MGLL: variants seen among roughly 807,000 people sequenced by gnomAD.
MGLL encodes the protein monoglyceride lipase, also known as lysophospholipase homolog.
MGLL carries 7 observed loss-of-function variants against 29.1 expected under a neutral mutation model. That is an observed-to-expected ratio of 0.24 (90% CI 0.14 to 0.45). MGLL has a LOEUF of 0.45. Ranked by LOEUF, MGLL falls within the 20% of genes least tolerant of loss-of-function variation. MGLL has a pLI of 0.99. For synonymous variants in MGLL, 148 were observed against 168.3 expected (o/e 0.88, Z 0.93); for missense variants, 356 against 413.6 (o/e 0.86, Z 1.21).
intron 2 of MGLL, among the ~76,000 whole-genome samples, chr3:127,793,751 G>A (rs564638289): frequency 2.0e-5 from 3 of 152,138 alleles, no homozygotes; most frequent in South Asian, 2.1e-4. Context: ...TAGTACAGAC[G>A]GGGTTTCACC....
At chr3:127,785,749 G>A (rs1388472740) in intron 2 of MGLL, among the ~76,000 whole-genome samples, 1 of 152,212 alleles carries the variant, frequency 6.6e-6, no homozygotes, top group East Asian at 1.9e-4. Flanking sequence ...AGCTTATTAC[G>A]TGCCAGGCCC....
At chr3:127,768,852 T>G (rs559193659) in intron 3 of MGLL, among the ~76,000 whole-genome samples, 2 of 152,226 alleles carry the variant, frequency 1.3e-5, no homozygotes, top group African/African-American at 4.8e-5. Flanking sequence ...AAGGGCTTGC[T>G]AAACACTGAC....
chr3:127,703,289 A>T (rs2075534827), intron 6 of MGLL, among the ~76,000 whole-genome samples: 2 of 152,248 alleles, frequency 1.3e-5, no homozygotes, highest in African/African-American at 4.8e-5. Flanking sequence ...TCACAGGCTC[A>T]GGGATTTGAG....
rs969785958 is a variant in MGLL at position 127,710,900 on chromosome 3, C to T, written c.511-235G>A. The T allele has an allele frequency of 5.9e-5, 32 of 541,106 alleles. No homozygotes were observed. The East Asian group carries it at 7.4e-4, about 12-fold the overall frequency. 33.5% of individuals were successfully genotyped at this position (541,106 alleles called of 1,614,324 possible). A position where few individuals can be genotyped will look rare whatever the true frequency, so the allele number is the denominator to read the frequency against. On this transcript the variant is annotated intron_variant, in intron 5 of 7. Transcript: ENST00000265052. ...GGGGGAGCTGGCCAGGCAGCCGCTG[C>T]GCCCAAGGTGGGAAGTCACGTCTGA...
intron 5 of MGLL, chr3:127,712,480 A>T (rs2075735509): frequency 2.6e-5 from 4 of 152,256 alleles, no homozygotes; most frequent in Admixed American, 2.6e-4. Context: ...CATGTGGTCA[A>T]CACTCCTTTT....
At chr3:127,713,023 T>G (rs889443011) in intron 5 of MGLL, 4 of 152,332 alleles carry the variant, frequency 2.6e-5, no homozygotes, top group African/African-American at 9.6e-5. Context: ...CACTAGACTC[T>G]GGCTGTGTAA....
At chr3:127,802,247 G>GT (rs1462105392) in intron 2 of MGLL, among the ~76,000 whole-genome samples, 1 of 152,144 alleles carries the variant, frequency 6.6e-6, no homozygotes, top group African/African-American at 2.4e-5. Context: ...AGGTTCAAGA[G>GT]TTTGGTCTTG....
At chr3:127,724,638 G>T (rs915381921) in intron 3 of MGLL, among the ~76,000 whole-genome samples, 1 of 152,124 alleles carries the variant, frequency 6.6e-6, no homozygotes, top group African/African-American at 2.4e-5. Context: ...GCATGACCCC[G>T]CATTTCCATG....
intron 2 of MGLL, among the ~76,000 whole-genome samples, chr3:127,798,708 C>T (rs572212732): frequency 6.6e-6 from 1 of 152,346 alleles, no homozygotes; most frequent in East Asian, 1.9e-4. Context: ...GCCAAAATCA[C>T]TGATGTCTCT....
chr3:127,716,368 C>G (rs62270460), intron 5 of MGLL, among the ~76,000 whole-genome samples: 38,402 of 151,990 alleles, frequency 0.25, 5,099 homozygotes, highest in Middle Eastern at 0.5. Context: ...AGGTCCCTAA[C>G]TCTCTTCCTG....
intron 3 of MGLL, among the ~76,000 whole-genome samples, chr3:127,750,080 T>C (rs1576546127): frequency 1.3e-5 from 2 of 151,538 alleles, no homozygotes; most frequent in Admixed American, 1.3e-4. Flanking sequence ...GAGACACAGG[T>C]GGTGGGAGCT....
intron 3 of MGLL, among the ~76,000 whole-genome samples, chr3:127,741,860 C>T (rs369336010): frequency 1.2e-4 from 19 of 152,346 alleles, no homozygotes; most frequent in African/African-American, 4.3e-4. Flanking sequence ...ACTTCATATA[C>T]ATAATCTGTG....
chr3:127,723,855 C>T (rs2075982887), intron 3 of MGLL, among the ~76,000 whole-genome samples: 1 of 152,120 alleles, frequency 6.6e-6, no homozygotes, highest in Non-Finnish European at 1.5e-5. Flanking sequence ...AAGCTCTAAC[C>T]CCCAGGATCT....
In MGLL at chr3:127,692,353, C is replaced by T. The variant is rs944907403; in HGVS notation, c.817-30G>A. ...AATGAGGAGAGACACGGAATCAGAG[C>T]TGCACCATCAGAGGCAGGTGCAGGG... is the stretch of plus-strand genomic sequence containing the variant. On this transcript the variant is annotated intron_variant, in intron 7 of 7. Transcript: ENST00000265052. The T allele has an allele frequency of 3.1e-6, 5 of 1,613,564 alleles. No individual in the cohort carries two copies. The African/African-American group carries it at 6.7e-5, about 22-fold the overall frequency.
At chr3:127,769,183 C>T (rs1305800676) in intron 3 of MGLL, among the ~76,000 whole-genome samples, 1 of 152,084 alleles carries the variant, frequency 6.6e-6, no homozygotes, top group Non-Finnish European at 1.5e-5. Context: ...GAAACCCCGT[C>T]TTTACTAAAA....
In MGLL at chr3:127,691,103, A is replaced by C. The variant is rs191094277; in HGVS notation, c.*1095T>G. On this transcript the variant is annotated 3_prime_UTR_variant, in exon 8 of 8. Coordinates refer to ENST00000265052, the MANE Select transcript of MGLL (RefSeq NM_007283.7). ...CCCAGGGTAGCTCTGGGCCATAGGCAGGCCCAGGCCCAGGCCTAGGGATCA... is the reference window on the plus strand; with the variant it reads ...CCCAGGGTAGCTCTGGGCCATAGGCCGGCCCAGGCCCAGGCCTAGGGATCA... The C allele has an allele frequency of 2.0e-4, 30 of 152,716 alleles. No individual in the cohort carries two copies. The highest frequency in any genetic ancestry group is 3.1e-4 in the Non-Finnish European group (21 of 68,058). 9.5% of individuals were successfully genotyped at this position (152,716 alleles called of 1,614,324 possible).
At chr3:127,772,148 C>A (rs2076959393) in intron 3 of MGLL, among the ~76,000 whole-genome samples, 1 of 151,540 alleles carries the variant, frequency 6.6e-6, no homozygotes, top group Admixed American at 6.6e-5. Context: ...CCTGGGATAA[C>A]CCCAGCAAGC....
At chr3:127,762,910 G>T (rs527927052) in intron 3 of MGLL, among the ~76,000 whole-genome samples, 16 of 152,242 alleles carry the variant, frequency 1.1e-4, no homozygotes, top group Admixed American at 2.0e-4. Flanking sequence ...GACGCCTCAG[G>T]CCAGGTCTGT....
chr3:127,714,633 T>G (rs1157661552), intron 5 of MGLL, among the ~76,000 whole-genome samples: 1 of 152,100 alleles, frequency 6.6e-6, no homozygotes. Flanking sequence ...CGCACACAGG[T>G]GTGTCCTGGC....
Sources: allele counts gnomAD v4.1 joint callset (sites outside exome capture counted in the v4.1 genomes callset), GRCh38; gene constraint gnomAD v4.1.1; transcripts MANE v1.5; gene names NCBI Gene and HGNC (gene_info 2026-07-23, HGNC 2026-07-21).